NEAT1: variants seen among roughly 807,000 people sequenced by gnomAD.
The protein encoded by NEAT1 is nuclear paraspeckle assembly transcript 1.
exon 1 of NEAT1, chr11:65,444,675 G>T (rs1314688162): frequency 5.5e-6 from 2 of 365,138 alleles, no homozygotes; most frequent in Non-Finnish European, 1.1e-5. Context: ...GTGGCCTGGG[G>T]CAAGTACCGG....
exon 1 of NEAT1, chr11:65,430,225 C>G (rs958469493): frequency 3.9e-5 from 6 of 152,542 alleles, no homozygotes; most frequent in African/African-American, 1.2e-4. Flanking sequence ...CCCTCCTTCC[C>G]CGCCTCCCCT....
chr11:65,431,268 T>A (rs548929961), exon 1 of NEAT1: 37 of 152,342 alleles, frequency 2.4e-4, no homozygotes, highest in African/African-American at 7.2e-4. Flanking sequence ...ATCTTTTTTT[T>A]ATCCATTCAT....
rs111728114 is a variant in NEAT1, at chr11:65,435,579, C to T, written n.12782C>T. The T allele has an allele frequency of 1.5e-4, 23 of 152,306 alleles. 2 individuals are homozygous for T. Among genetic ancestry groups the T allele is most frequent in the African/African-American group, 5.1e-4 (21 of 41,564 alleles). 9.4% of individuals were successfully genotyped at this position (152,306 alleles called of 1,614,324 possible). A position where few individuals can be genotyped will look rare whatever the true frequency, so the allele number is the denominator to read the frequency against. On this transcript the variant is annotated non_coding_transcript_exon_variant, in exon 1 of 1. Coordinates refer to ENST00000501122, the Ensembl canonical transcript of NEAT1. ...CATCCCTCTGGGTGCAGAGCTGAGG[C>T]ACCCAGAGGCAGTGTCCAGAGGAGG...
chr11:65,436,090 C>T (rs1144924), exon 1 of NEAT1: 23,084 of 152,246 alleles, frequency 0.15, 2,147 homozygotes, highest in Middle Eastern at 0.28. Context: ...TCTAAAGGGC[C>T]GCCACATGCC....
exon 1 of NEAT1, chr11:65,444,775 C>A (rs939369565): frequency 3.4e-6 from 1 of 291,934 alleles, no homozygotes; most frequent in Non-Finnish European, 6.8e-6. Context: ...AGGAGAAAGG[C>A]TGGTGGGGCC....
At chr11:65,426,259 T>C (rs1056253721) in exon 1 of NEAT1, 4 of 152,340 alleles carry the variant, frequency 2.6e-5, no homozygotes, top group East Asian at 1.9e-4. Context: ...TTTAAAAATA[T>C]GTTGACATGG....
exon 1 of NEAT1, chr11:65,436,427 T>C (rs988600148): frequency 6.6e-6 from 1 of 152,234 alleles, no homozygotes; most frequent in African/African-American, 2.4e-5. Context: ...ATTTCACCTA[T>C]GAATAGATGT....
chr11:65,438,240 A>C (rs906589985), exon 1 of NEAT1: 1 of 152,192 alleles, frequency 6.6e-6, no homozygotes, highest in Non-Finnish European at 1.5e-5. Context: ...TAATTGTCCT[A>C]CTGGTGGTCT....
exon 1 of NEAT1, chr11:65,423,577 C>T (rs1256044059): frequency 6.6e-6 from 1 of 152,312 alleles, no homozygotes; most frequent in Non-Finnish European, 1.5e-5. Context: ...GACTGCGAGG[C>T]ACGCTGCTCG....
chr11:65,439,881 T>C (rs1245451403), exon 1 of NEAT1: 1 of 152,176 alleles, frequency 6.6e-6, no homozygotes, highest in Non-Finnish European at 1.5e-5. Context: ...TGTGTCTCTT[T>C]GTGTAGAATG....
At chr11:65,424,991 A>T (rs1856546425) in exon 1 of NEAT1, 1 of 149,528 alleles carries the variant, frequency 6.7e-6, no homozygotes, top group Admixed American at 6.7e-5. Flanking sequence ...AGAAGGGGAG[A>T]GGGTTGGTTA....
chr11:65,426,181 A>G (rs964301034), exon 1 of NEAT1: 1 of 152,166 alleles, frequency 6.6e-6, no homozygotes, highest in Non-Finnish European at 1.5e-5. Context: ...TTTCACTTGA[A>G]ATTTTAAAAA....
exon 1 of NEAT1, chr11:65,424,971 A>T (rs1376271748): frequency 6.6e-6 from 1 of 151,474 alleles, no homozygotes. Flanking sequence ...ACTGGGAGGG[A>T]TGAGGGTGAA....
At chr11:65,444,013 C>T (rs1220903033) in exon 1 of NEAT1, 2 of 175,206 alleles carry the variant, frequency 1.1e-5, no homozygotes, top group African/African-American at 4.8e-5. Flanking sequence ...GCTTCATCGG[C>T]AGGTTGGGAC....
chr11:65,444,226 G>A, exon 1 of NEAT1: 1 of 330,992 alleles, frequency 3.0e-6, no homozygotes, highest in Non-Finnish European at 5.9e-6. Context: ...TCTGAGGCCT[G>A]CAGACCTGGC....
At chr11:65,423,381 G>A (rs1856520998) in exon 1 of NEAT1, 1 of 152,348 alleles carries the variant, frequency 6.6e-6, no homozygotes, top group African/African-American at 2.4e-5. Flanking sequence ...CTGGCCCAGG[G>A]TGGTATGTAA....
At chr11:65,440,049 G>C (rs992373804) in exon 1 of NEAT1, 1 of 152,170 alleles carries the variant, frequency 6.6e-6, no homozygotes, top group African/African-American at 2.4e-5. Context: ...CTGAGGCCAA[G>C]AGTTCAAGAT....
At chr11:65,434,921 T>G (rs1383777092) in exon 1 of NEAT1, 1 of 152,232 alleles carries the variant, frequency 6.6e-6, no homozygotes, top group Non-Finnish European at 1.5e-5. Flanking sequence ...CATCTGTGTG[T>G]GAATTTAGCA....
exon 1 of NEAT1, chr11:65,443,557 G>A (rs928264265): frequency 1.3e-5 from 2 of 152,232 alleles, no homozygotes; most frequent in Admixed American, 1.3e-4. Flanking sequence ...TGTGGTTGGG[G>A]TCCTCTGGGG....
Sources: allele counts gnomAD v4.1 joint callset, GRCh38; gene constraint gnomAD v4.1.1; transcripts MANE v1.5; gene names NCBI Gene and HGNC (gene_info 2026-07-23, HGNC 2026-07-21).